TLL1: variants seen among roughly 807,000 people sequenced by gnomAD.
TLL1 encodes the protein tolloid-like protein 1.
A neutral mutation model predicts 128.2 loss-of-function variants in TLL1; 49 were observed. That is an observed-to-expected ratio of 0.38 (90% CI 0.30 to 0.48). The LOEUF (loss-of-function observed/expected upper bound fraction) is 0.48, where lower values mean the gene tolerates loss of function less well. Ranked by LOEUF, TLL1 falls within the 20% of genes least tolerant of loss-of-function variation. TLL1 has a pLI of 0.96. For synonymous variants in TLL1, 454 were observed against 418.8 expected (o/e 1.08, Z -1.03); for missense variants, 1,123 against 1,242.0 (o/e 0.90, Z 1.44).
chr4:165,996,639 A>G (rs74605917), intron 5 of TLL1, among the ~76,000 whole-genome samples: 15,497 of 152,060 alleles, frequency 0.1, 1,119 homozygotes, highest in Admixed American at 0.22. Context: ...AACATTATGT[A>G]AGTACATTGT....
intron 1 of TLL1, among the ~76,000 whole-genome samples, chr4:165,883,677 T>C (rs1731055486): frequency 1.3e-5 from 2 of 152,212 alleles, no homozygotes; most frequent in Non-Finnish European, 2.9e-5. Context: ...TACTTATTTG[T>C]GGAGAGATGA....
intron 7 of TLL1, among the ~76,000 whole-genome samples, chr4:166,013,927 G>T (rs1342204281): frequency 2.0e-5 from 3 of 151,392 alleles, no homozygotes; most frequent in African/African-American, 7.3e-5. Flanking sequence ...AACATATGCT[G>T]TAATACTTGG....
At position 166,103,297 on chromosome 4, in the gene TLL1, C is replaced by G. The variant is rs1336514738; in HGVS notation, c.*2421C>G. On this transcript the variant is annotated 3_prime_UTR_variant, in exon 21 of 21. Coordinates refer to ENST00000061240, the MANE Select transcript of TLL1 (RefSeq NM_012464.5). ...AAACTTACAGGATAAGCATTTTGCT[C>G]TTTTTAAGAACAGCATGAAATTTAG... is the stretch of plus-strand genomic sequence containing the variant. 6.6e-6 allele frequency: 1 copy of G among 151,626 alleles called. No individual in the cohort carries two copies. Among genetic ancestry groups the G allele is most frequent in the Non-Finnish European group, 1.5e-5 (1 of 67,822 alleles). 9.4% of individuals were successfully genotyped at this position (151,626 alleles called of 1,614,324 possible). A position where few individuals can be genotyped will look rare whatever the true frequency, so the allele number is the denominator to read the frequency against.
At chr4:166,062,230 A>G (rs546894875) in intron 15 of TLL1, among the ~76,000 whole-genome samples, 23 of 152,256 alleles carry the variant, frequency 1.5e-4, no homozygotes, top group Middle Eastern at 3.4e-3. Context: ...TGAACTTTAA[A>G]GTAGTTTTTT....
chr4:165,921,602 T>C (rs886916476), intron 1 of TLL1, among the ~76,000 whole-genome samples: 2 of 152,212 alleles, frequency 1.3e-5, no homozygotes, highest in African/African-American at 4.8e-5. Flanking sequence ...ACTTAGTTAT[T>C]CTGGCAGATT....
At chr4:165,907,277 T>C (rs561915245) in intron 1 of TLL1, among the ~76,000 whole-genome samples, 27 of 152,264 alleles carry the variant, frequency 1.8e-4, no homozygotes, top group African/African-American at 6.0e-4. Flanking sequence ...TTTAGGGCCA[T>C]AGTAGACATT....
intron 1 of TLL1, among the ~76,000 whole-genome samples, chr4:165,988,820 A>T (rs1736504449): frequency 6.6e-6 from 1 of 152,050 alleles, no homozygotes; most frequent in Non-Finnish European, 1.5e-5. Context: ...CATTTTACAG[A>T]GACTCAGAGG....
At position 166,042,087 on chromosome 4, in the gene TLL1, T is replaced by C. The variant is rs2111092895; in HGVS notation, c.1322T>C (p.Ile441Thr). ...VLTSTDSRMW[I>T]EFRSSSNWVG... ...ACTTCTACAGACAGCAGAATGTGGA[T>C]TGAGTTTCGTAGCAGCAGTAATTGG... The change falls in exon 11 of 21, where the codon ATT becomes ACT. Residue 441 changes from isoleucine to threonine, a missense_variant. Physicochemically the swap from Ile to Thr is moderately conservative, Grantham distance 89 (BLOSUM62 -1). Coordinates refer to ENST00000061240, the MANE Select transcript of TLL1 (RefSeq NM_012464.5). 6.2e-7 allele frequency: 1 copy of C among 1,612,470 alleles called. No individual in the cohort carries two copies. The highest frequency in any genetic ancestry group is 8.5e-7 in the Non-Finnish European group (1 of 1,178,744).
At chr4:166,012,409 A>G (rs973886726) in intron 7 of TLL1, among the ~76,000 whole-genome samples, 1 of 151,690 alleles carries the variant, frequency 6.6e-6, no homozygotes, top group African/African-American at 2.4e-5. Context: ...AACAAAATTC[A>G]TAATTCTGTT....
chr4:165,889,313 A>G (rs916135539), intron 1 of TLL1, among the ~76,000 whole-genome samples: 4 of 152,234 alleles, frequency 2.6e-5, no homozygotes, highest in Admixed American at 1.3e-4. Flanking sequence ...TTTGCTTAAC[A>G]TGGGGATTTT....
intron 1 of TLL1, among the ~76,000 whole-genome samples, chr4:165,934,093 G>A (rs1733656354): frequency 6.6e-6 from 1 of 151,698 alleles, no homozygotes; most frequent in South Asian, 2.1e-4. Context: ...CTGCCTCCCA[G>A]GTTCAAGTGA....
In TLL1 at chr4:165,938,043, G is replaced by A. The variant is rs140880436; in HGVS notation, c.170-51338G>A. ...AGCATTTCCTAGATTATGTATTAACGTTGGCATTACGGGTTGATACTTTCT... is the reference window on the plus strand; with the variant it reads ...AGCATTTCCTAGATTATGTATTAACATTGGCATTACGGGTTGATACTTTCT... On this transcript the variant is annotated intron_variant, in intron 1 of 20. Transcript: ENST00000061240. 4.6e-3 allele frequency among the ~76,000 whole-genome samples: 692 copies of A among 151,238 alleles called. 5 individuals are homozygous for A. Among genetic ancestry groups the A allele is most frequent in the African/African-American group, 0.015 (634 of 41,252 alleles).
rs529515390 is a variant in TLL1, at chr4:165,876,753, A to C, written c.169+2680A>C. The stretch of plus-strand genomic sequence containing the variant: ...GGCTGCAAGTCTGGCTGTATTTGAC[A>C]ATTACACTGCATTCTTAGTTGGCCT... On this transcript the variant is annotated intron_variant, in intron 1 of 20. Coordinates refer to ENST00000061240, the MANE Select transcript of TLL1 (RefSeq NM_012464.5). Among the ~76,000 whole-genome samples, 122 of 152,352 alleles carry C rather than the reference A, an allele frequency of 8.0e-4. 3 individuals are homozygous for C. In the South Asian group the frequency reaches 0.024, roughly 30 times the overall value.
intron 13 of TLL1, among the ~76,000 whole-genome samples, chr4:166,056,890 T>C (rs933030768): frequency 6.6e-6 from 1 of 152,160 alleles, no homozygotes; most frequent in African/African-American, 2.4e-5. Context: ...TTGTTCCTGC[T>C]CCTTTGCTGA....
chr4:165,991,543 G>A (rs1736636245), intron 2 of TLL1, among the ~76,000 whole-genome samples: 2 of 151,876 alleles, frequency 1.3e-5, no homozygotes, highest in African/African-American at 4.8e-5. Flanking sequence ...GCAAAAATGT[G>A]GCCATGTAAT....
At chr4:166,087,281 A>G (rs1203027009) in intron 18 of TLL1, among the ~76,000 whole-genome samples, 1 of 152,196 alleles carries the variant, frequency 6.6e-6, no homozygotes, top group African/African-American at 2.4e-5. Flanking sequence ...AGCTTTATAT[A>G]TGGGATATTT....
chr4:166,010,771 T>C (rs1305601722), intron 7 of TLL1, among the ~76,000 whole-genome samples: 1 of 151,216 alleles, frequency 6.6e-6, no homozygotes, highest in South Asian at 2.1e-4. Context: ...AGAAGTTGTA[T>C]AGTTTGGGTC....
chr4:165,983,900 AG>A (rs1225664593), intron 1 of TLL1, among the ~76,000 whole-genome samples: 1 of 151,864 alleles, frequency 6.6e-6, no homozygotes, highest in Non-Finnish European at 1.5e-5. Flanking sequence ...CCAGTGTGCG[AG>A]GAAAGGATGA....
At chr4:165,986,383 G>T (rs1044953097) in intron 1 of TLL1, among the ~76,000 whole-genome samples, 1 of 151,944 alleles carries the variant, frequency 6.6e-6, no homozygotes, top group Admixed American at 6.6e-5. Flanking sequence ...TATGAAGAAA[G>T]AAATGCATTT....
Sources: allele counts gnomAD v4.1 joint callset (sites outside exome capture counted in the v4.1 genomes callset), GRCh38; gene constraint gnomAD v4.1.1; transcripts MANE v1.5; gene names NCBI Gene and HGNC (gene_info 2026-07-23, HGNC 2026-07-21).